The following SMAD4 variants were observed in gnomAD, a reference collection of about 807,000 sequenced individuals.
The protein encoded by SMAD4 is SMAD family member 4, also known as MAD homolog 4.
SMAD4 carries 7 observed loss-of-function variants against 63.2 expected under a neutral mutation model. That is an observed-to-expected ratio of 0.11 (90% CI 0.06 to 0.21). SMAD4 has a LOEUF of 0.21. SMAD4 is among the 10% of genes least tolerant of loss of function. SMAD4 has a pLI of 1.00. For missense variants in SMAD4, 312 were observed against 693.8 expected (o/e 0.45, Z 6.18); for synonymous variants, 215 against 235.4 (o/e 0.91, Z 0.79).
intron 10 of SMAD4, among the ~76,000 whole-genome samples, chr18:51,073,388 T>TATATATACACACACACAC (rs1417299090): frequency 6.2e-5 from 4 of 64,160 alleles, no homozygotes; most frequent in African/African-American, 2.3e-4. Flanking sequence ...TATATATATA[T>TATATATACACACACACAC]ACACACACAC....
At position 51,080,654 on chromosome 18, in the gene SMAD4, G is replaced by C. The variant is rs1910591459; in HGVS notation, c.*2187G>C. On this transcript the variant is annotated 3_prime_UTR_variant, in exon 12 of 12. Coordinates refer to ENST00000342988, the MANE Select transcript of SMAD4 (RefSeq NM_005359.6). ...CCTCCCGGGTTCAACTGATTCTCCT[G>C]CCTCAGCCTCCCTGGTAGCTAGGAT... 1 of 177,718 alleles carries C rather than the reference G, an allele frequency of 5.6e-6. No homozygotes were observed. The highest frequency in any genetic ancestry group is 1.2e-5 in the Non-Finnish European group (1 of 82,846). The allele number at this position is 177,718 out of a possible 1,614,324, so 11.0% of individuals were successfully genotyped here. A position where few individuals can be genotyped will look rare whatever the true frequency, so the allele number is the denominator to read the frequency against.
At chr18:51,041,071 G>A in intron 1 of SMAD4, among the ~76,000 whole-genome samples, 1 of 151,488 alleles carries the variant, frequency 6.6e-6, no homozygotes, top group East Asian at 1.9e-4. Flanking sequence ...TCCCCTCCTT[G>A]GCCCATTGCC....
intron 10 of SMAD4, among the ~76,000 whole-genome samples, chr18:51,075,841 A>C (rs926386178): frequency 3.9e-5 from 6 of 152,204 alleles, no homozygotes; most frequent in East Asian, 1.9e-4. Flanking sequence ...ACTGTATACT[A>C]TGCCAAGTTT....
At position 51,075,935 on chromosome 18, in the gene SMAD4, G is replaced by A. The variant is rs74601985; in HGVS notation, c.1309-703G>A. On this transcript the variant is annotated intron_variant, in intron 10 of 11. Coordinates refer to ENST00000342988, the MANE Select transcript of SMAD4 (RefSeq NM_005359.6). ...TCAGCCCATATAATTAGCAGGTATC[G>A]GTGATGGGATTTAAAACTGGGCCTT... Among the ~76,000 whole-genome samples, 514 of 152,174 alleles carry A rather than the reference G, an allele frequency of 3.4e-3. 6 individuals are homozygous for A. In the East Asian group the frequency reaches 0.042, roughly 13 times the overall value.
Position 51,082,813 on chromosome 18 carries a change from T to C in SMAD4, c.*4346T>C. ...ATTCATATGTGAGTGTTAGTGTGCC[T>C]CCTTTTAGCATTTTCTTCTTCTCTT... On this transcript the variant is annotated 3_prime_UTR_variant, in exon 12 of 12. Transcript: ENST00000342988. 1 of 229,060 alleles carries C rather than the reference T, an allele frequency of 4.4e-6. No individual in the cohort carries two copies. The highest frequency in any genetic ancestry group is 8.7e-6 in the Non-Finnish European group (1 of 115,372). 14.2% of individuals were successfully genotyped at this position (229,060 alleles called of 1,614,324 possible).
chr18:51,031,230 T>C (rs1909040993), intron 1 of SMAD4, among the ~76,000 whole-genome samples: 1 of 152,192 alleles, frequency 6.6e-6, no homozygotes, highest in Non-Finnish European at 1.5e-5. Flanking sequence ...CTGATCTTAC[T>C]GTTAGCACTG....
At chr18:51,070,102 G>A (rs1188103912) in intron 10 of SMAD4, among the ~76,000 whole-genome samples, 1 of 152,184 alleles carries the variant, frequency 6.6e-6, no homozygotes, top group Non-Finnish European at 1.5e-5. Flanking sequence ...TGACTCAGAA[G>A]TCTCTTGTTT....
intron 1 of SMAD4, among the ~76,000 whole-genome samples, chr18:51,034,838 G>A (rs565302188): frequency 3.3e-5 from 5 of 152,098 alleles, no homozygotes; most frequent in Admixed American, 1.3e-4. Flanking sequence ...GAGCCACCAC[G>A]CCTGGCAAGT....
chr18:51,059,813 C>T (rs997239778), intron 7 of SMAD4, 53 bp from the exon 8 acceptor site: 23 of 1,323,198 alleles, frequency 1.7e-5, no homozygotes, highest in Non-Finnish European at 2.3e-5. Flanking sequence ...AAAGTTTTAG[C>T]ATTAGACAAC....
At chr18:51,038,251 T>TGGGG (rs374538576) in intron 1 of SMAD4, among the ~76,000 whole-genome samples, 2 of 94,934 alleles carry the variant, frequency 2.1e-5, no homozygotes, top group African/African-American at 1.0e-4. Context: ...AGCGAGACTG[T>TGGGG]GGGGGGGGGG....
chr18:51,055,092 T>G, intron 5 of SMAD4, 99 bp downstream of exon 5: 1 of 882,340 alleles, frequency 1.1e-6, no homozygotes, highest in Admixed American at 1.7e-5. Context: ...TAAGTAAACA[T>G]TAAAAGTAAC....
chr18:51,066,065 A>C (rs1479826654), intron 9 of SMAD4, among the ~76,000 whole-genome samples: 1 of 152,172 alleles, frequency 6.6e-6, no homozygotes, highest in Non-Finnish European at 1.5e-5. Context: ...AAGTTTATAT[A>C]ATGAGGCTGG....
rs143535243 is a variant in SMAD4, at chr18:51,051,719, TG to T, written c.454+2396del. 3.4e-3 allele frequency among the ~76,000 whole-genome samples: 513 copies of T among 152,290 alleles called. 6 individuals are homozygous for T. The East Asian group carries it at 0.042, about 13-fold the overall frequency. On this transcript the variant is annotated intron_variant, in intron 4 of 11. Coordinates refer to ENST00000342988, the MANE Select transcript of SMAD4 (RefSeq NM_005359.6). ...GGTGCTGTGTCCTGGTTGCTGGTGA[TG>T]ATAAAGAACACAGACCTAAGGTGGG...
chr18:51,070,637 A>G (rs146165625), intron 10 of SMAD4, among the ~76,000 whole-genome samples: 101 of 152,296 alleles, frequency 6.6e-4, no homozygotes, highest in African/African-American at 2.3e-3. Flanking sequence ...TATTAAATGA[A>G]AAATTCCAGA....
chr18:51,042,967 A>T (rs186411909), intron 1 of SMAD4, among the ~76,000 whole-genome samples: 1 of 152,324 alleles, frequency 6.6e-6, no homozygotes, highest in African/African-American at 2.4e-5. Flanking sequence ...TAGCTGTCAC[A>T]TTTGTAATGA....
At chr18:51,072,717 AT>A (rs902000864) in intron 10 of SMAD4, among the ~76,000 whole-genome samples, 16 of 152,248 alleles carry the variant, frequency 1.1e-4, no homozygotes, top group African/African-American at 3.6e-4. Flanking sequence ...CGGTTTTGTA[AT>A]AAATTCAGAA....
intron 1 of SMAD4, among the ~76,000 whole-genome samples, chr18:51,039,928 G>A (rs1467640189): frequency 6.6e-6 from 1 of 151,980 alleles, no homozygotes; most frequent in Non-Finnish European, 1.5e-5. Flanking sequence ...CTGTATAAAT[G>A]TGCTCTTGGA....
chr18:51,043,310 C>A (rs576800958), intron 1 of SMAD4, among the ~76,000 whole-genome samples: 21 of 152,154 alleles, frequency 1.4e-4, no homozygotes, highest in African/African-American at 5.1e-4. Flanking sequence ...ATTTATGTTT[C>A]CCACATTTCT....
intron 4 of SMAD4, 104 bp downstream of exon 4, chr18:51,049,428 A>G: frequency 2.4e-6 from 2 of 829,430 alleles, no homozygotes; most frequent in Non-Finnish European, 4.2e-6. Flanking sequence ...AGTAACATTA[A>G]CAAGAAAATA....
Sources: gnomAD v4.1 joint callset for allele counts (sites outside exome capture counted in the v4.1 genomes callset) on GRCh38, gnomAD v4.1.1 for gene constraint, MANE v1.5 for transcripts, NCBI Gene and HGNC (gene_info 2026-07-23, HGNC 2026-07-21) for gene names.